The following TONSL variants were observed in gnomAD, a reference collection of about 807,000 sequenced individuals.
The protein encoded by TONSL is tonsoku-like protein.
Under a neutral mutation model 147.1 loss-of-function variants are expected in TONSL, and 112 were observed. The observed-to-expected ratio is 0.76, with a 90% CI of 0.65 to 0.89. TONSL has a LOEUF of 0.89. TONSL is among the 40% of genes least tolerant of loss of function. The pLI is 0.00. For synonymous variants in TONSL, 868 were observed against 801.5 expected (o/e 1.08, Z -1.40); for missense variants, 1,883 against 1,864.6 (o/e 1.01, Z -0.18).
chr8:144,439,883 G>T, intron 11 of TONSL, 138 bp downstream of exon 11: 2 of 588,434 alleles, frequency 3.4e-6, no homozygotes, highest in Non-Finnish European at 6.0e-6. Context: ...GTCCAGTTCC[G>T]GGAAAGCACT....
In TONSL at chr8:144,443,177, AG is replaced by A. The variant is rs1564734893; in HGVS notation, c.408del (p.Phe137LeufsTer21). ...SRDALLQAQAAFEKSLAIVDE... is the reference protein window; with the variant it reads ...SRDALLQAQAXFEKSLAIVDE... ...TCCACAATAGCCAAGCTCTTCTCAAAGGCAGCCTGTGCCTGCAGCAAAGCAT... is the reference window on the plus strand; with the variant it reads ...TCCACAATAGCCAAGCTCTTCTCAAAGCAGCCTGTGCCTGCAGCAAAGCAT... On this transcript the variant is annotated frameshift_variant, in exon 4 of 26. Transcript: ENST00000409379. LOFTEE classifies it high-confidence loss of function. 6.4e-7 allele frequency: 1 copy of A among 1,550,764 alleles called. No individual in the cohort carries two copies. Among genetic ancestry groups the A allele is most frequent in the Admixed American group, 2.0e-5 (1 of 51,010 alleles).
chr8:144,433,942 C>G, intron 21 of TONSL, 36 bp downstream of exon 21: 1 of 1,526,150 alleles, frequency 6.6e-7, no homozygotes, highest in South Asian at 1.3e-5. Flanking sequence ...CCCCAACTCC[C>G]CGCTGTTGAG....
intron 24 of TONSL, 108 bp from the exon 25 acceptor site, chr8:144,430,645 C>T (rs1462930216): frequency 7.4e-6 from 10 of 1,351,848 alleles, no homozygotes; most frequent in Non-Finnish European, 8.0e-6. Flanking sequence ...TCGGGCCAGA[C>T]CCAGGGGCTC....
rs752721840 is a variant in TONSL at position 144,440,493 on chromosome 8, G to A, written c.1165-17C>T. ...CTTGGCCTCCTGGAGCAGGAGGAAG[G>A]ACAGGGTCGGGGGCTGCCGCTGTCT... On this transcript the variant is annotated splice_polypyrimidine_tract_variant and intron_variant, in intron 9 of 25. Transcript: ENST00000409379. The A allele has an allele frequency of 3.2e-6, 5 of 1,584,400 alleles. No homozygotes were observed. The highest frequency in any genetic ancestry group is 2.2e-5 in the South Asian group (2 of 89,458).
chr8:144,442,569 G>A (rs754881197), intron 5 of TONSL, 108 bp downstream of exon 5: 10 of 1,511,666 alleles, frequency 6.6e-6, no homozygotes, highest in African/African-American at 1.4e-5. Context: ...GGGGGATGAG[G>A]CCCAGCCAGA....
intron 5 of TONSL, 69 bp downstream of exon 5, chr8:144,442,608 A>T (rs911828824): frequency 1.9e-6 from 3 of 1,563,258 alleles, no homozygotes; most frequent in Non-Finnish European, 2.6e-6. Context: ...TCTGGGAAAA[A>T]TACTCCCCTA....
At chr8:144,430,016 A>C (rs566141805) in intron 25 of TONSL, among the ~76,000 whole-genome samples, 2 of 152,234 alleles carry the variant, frequency 1.3e-5, no homozygotes, top group East Asian at 3.9e-4. Flanking sequence ...AGCCCTGGGC[A>C]GGGTTGTGTC....
At position 144,434,180 on chromosome 8, in the gene TONSL, AGG is replaced by A; in HGVS notation, c.3183_3184del (p.Leu1062AlafsTer27). On this transcript the variant is annotated frameshift_variant, in exon 21 of 26. Transcript: ENST00000409379. LOFTEE classifies it high-confidence loss of function. ...TGTGTGCAGCTTGAGGGCCCGCAGCAGGGGTGTAAGCTGGGCCTGGTCCAGGG... is the reference window on the plus strand; with the variant it reads ...TGTGTGCAGCTTGAGGGCCCGCAGCAGGTGTAAGCTGGGCCTGGTCCAGGG... 6.2e-6 allele frequency: 10 copies of A among 1,605,190 alleles called. No homozygotes were observed. The highest frequency in any genetic ancestry group is 8.5e-6 in the Non-Finnish European group (10 of 1,175,026).
intron 13 of TONSL, 133 bp downstream of exon 13, chr8:144,438,338 G>A: frequency 1.2e-6 from 1 of 838,054 alleles, no homozygotes; most frequent in East Asian, 2.7e-5. Context: ...CCACAGGCAA[G>A]TGCCACCATG....
chr8:144,434,700 A>ACC (rs1823360511), intron 20 of TONSL, 111 bp downstream of exon 20: 1 of 1,160,168 alleles, frequency 8.6e-7, no homozygotes, highest in Non-Finnish European at 1.2e-6. Context: ...AGGCTGGGGG[A>ACC]GGTGCACCCC....
intron 11 of TONSL, among the ~76,000 whole-genome samples, chr8:144,439,048 C>A (rs992512271): frequency 6.6e-6 from 1 of 152,138 alleles, no homozygotes; most frequent in Non-Finnish European, 1.5e-5. Context: ...TCTGTCCATG[C>A]GCCAGCCACT....
intron 11 of TONSL, 52 bp from the exon 12 acceptor site, chr8:144,438,787 G>C: frequency 6.4e-7 from 1 of 1,572,058 alleles, no homozygotes; most frequent in Non-Finnish European, 8.7e-7. Flanking sequence ...GTGAAGGTTA[G>C]CAGCCCCCAC....
In TONSL at chr8:144,440,782, T is replaced by C; in HGVS notation, c.1100A>G (p.Asp367Gly). The change falls in exon 9 of 26, where the codon GAC becomes GGC. Residue 367 changes from aspartate to glycine, a missense_variant. Coordinates refer to ENST00000409379, the MANE Select transcript of TONSL (RefSeq NM_013432.5). The stretch of plus-strand genomic sequence containing the variant: ...ATAGTGGCGCACGGCCCCATGGTGG[T>C]CCTTCATGTCTCCCAGTGTGGTGGC... ...SLATTLGDMK[D>G]HHGAVRHYEE... 6.2e-7 allele frequency: 1 copy of C among 1,612,876 alleles called. No individual in the cohort carries two copies. The highest frequency in any genetic ancestry group is 8.5e-7 in the Non-Finnish European group (1 of 1,179,966).
intron 4 of TONSL, 99 bp from the exon 5 acceptor site, chr8:144,442,905 C>T: frequency 2.8e-6 from 4 of 1,452,664 alleles, no homozygotes; most frequent in Non-Finnish European, 3.7e-6. Context: ...CTCCTACCCC[C>T]TCCCTCCTCC....
intron 13 of TONSL, 165 bp downstream of exon 13, chr8:144,438,306 A>C (rs1011211): frequency 0.52 from 342,457 of 660,042 alleles, 90,050 homozygotes; most frequent in Middle Eastern, 0.62. Flanking sequence ...CCCAGGATGA[A>C]GTGATCCTCC....
In TONSL at chr8:144,429,229, C is replaced by A. The variant is rs1554878017; in HGVS notation, c.4051G>T (p.Ala1351Ser). Reference protein sequence around the residue: ...SRRLCAEDRDALRQLQPSRPG... With the variant: ...SRRLCAEDRDSLRQLQPSRPG... ...CGACTGGGCTGCAGCTGGCGCAGGG[C>A]GTCCCTGTCCTCAGCGCAGAGGCGT... Residue 1351 changes from alanine (A) to serine (S), a missense_variant, in exon 26 of 26, where the codon GCC becomes TCC. By Grantham distance (99) the Ala-to-Ser change is moderately conservative. Coordinates refer to ENST00000409379, the MANE Select transcript of TONSL (RefSeq NM_013432.5). 6.5e-7 allele frequency: 1 copy of A among 1,535,214 alleles called. No individual in the cohort carries two copies. Among genetic ancestry groups the A allele is most frequent in the Non-Finnish European group, 8.7e-7 (1 of 1,144,390 alleles).
intron 12 of TONSL, 27 bp from the exon 13 acceptor site, chr8:144,438,587 G>A (rs1823567546): frequency 6.2e-7 from 1 of 1,612,880 alleles, no homozygotes; most frequent in Admixed American, 1.7e-5. Flanking sequence ...CCCAGCACAG[G>A]GCAGGGGCGT....
rs1823076779 is a variant in TONSL, at chr8:144,429,410, G to GAAACAAACTC, written c.3944-75_3944-74insGAGTTTGTTT. The GAAACAAACTC allele has an allele frequency of 2.3e-6, 3 of 1,327,422 alleles. No individual in the cohort carries two copies. In the African/African-American group the frequency reaches 4.6e-5, roughly 21 times the overall value. The allele number at this position is 1,327,422 out of a possible 1,614,324, so 82.2% of individuals were successfully genotyped here. ...TCCTGGTGCCCGCGGCAGGCTCCAG[G>GAAACAAACTC]GAACAAACTCGCTTTCGCTGAGGGC... On this transcript the variant is annotated intron_variant, in intron 25 of 25. Coordinates refer to ENST00000409379, the MANE Select transcript of TONSL (RefSeq NM_013432.5).
chr8:144,441,287 G>A, intron 7 of TONSL, 176 bp from the exon 8 acceptor site: 1 of 901,488 alleles, frequency 1.1e-6, no homozygotes, highest in Non-Finnish European at 1.6e-6. Flanking sequence ...AGGGTCACAA[G>A]AACTAACACA....
Sources: gnomAD v4.1 joint callset for allele counts (sites outside exome capture counted in the v4.1 genomes callset) on GRCh38, gnomAD v4.1.1 for gene constraint, MANE v1.5 for transcripts, NCBI Gene and HGNC (gene_info 2026-07-23, HGNC 2026-07-21) for gene names.